Variants in HS3ST3A1 observed in about 807,000 individuals in gnomAD.
HS3ST3A1 encodes the protein heparan sulfate-glucosamine 3-sulfotransferase 3A1, also known as heparan sulfate glucosamine 3-O-sulfotransferase 3A1.
HS3ST3A1 carries 19 observed loss-of-function variants against 25.7 expected under a neutral mutation model. The observed-to-expected ratio is 0.74, with a 90% CI of 0.52 to 1.08. The LOEUF is 1.08. HS3ST3A1 is among the 50% of genes least tolerant of loss of function. The pLI, the probability that HS3ST3A1 is intolerant of heterozygous loss-of-function variation, is 0.00. For synonymous variants in HS3ST3A1, 226 were observed against 278.6 expected (o/e 0.81, Z 1.88); for missense variants, 459 against 594.3 (o/e 0.77, Z 2.37).
chr17:13,536,181 A>G (rs1906765095), intron 1 of HS3ST3A1, among the ~76,000 whole-genome samples: 1 of 152,188 alleles, frequency 6.6e-6, no homozygotes, highest in African/African-American at 2.4e-5. Context: ...CCAAGCTTGA[A>G]AGAAGGCATT....
intron 1 of HS3ST3A1, among the ~76,000 whole-genome samples, chr17:13,571,157 A>C (rs1907798255): frequency 6.6e-6 from 1 of 152,186 alleles, no homozygotes; most frequent in Non-Finnish European, 1.5e-5. Context: ...TGTGATTATG[A>C]ATCTAATCAG....
intron 1 of HS3ST3A1, among the ~76,000 whole-genome samples, chr17:13,571,267 G>C (rs796401643): frequency 2.6e-5 from 4 of 152,136 alleles, no homozygotes; most frequent in Admixed American, 2.0e-4. Flanking sequence ...TCTGTGTGAC[G>C]GCAATACTAG....
chr17:13,596,300 G>A (rs960252883), intron 1 of HS3ST3A1, among the ~76,000 whole-genome samples: 8 of 151,556 alleles, frequency 5.3e-5, no homozygotes, highest in Admixed American at 1.3e-4. Context: ...CCCTACTCAG[G>A]ATGTCCAATA....
At chr17:13,551,438 C>T (rs1046338216) in intron 1 of HS3ST3A1, among the ~76,000 whole-genome samples, 2 of 151,306 alleles carry the variant, frequency 1.3e-5, no homozygotes, top group African/African-American at 4.9e-5. Flanking sequence ...GCAGCCATAC[C>T]CAGCTGACAG....
intron 1 of HS3ST3A1, among the ~76,000 whole-genome samples, chr17:13,596,494 G>C (rs1170902366): frequency 1.3e-5 from 2 of 151,278 alleles, no homozygotes; most frequent in African/African-American, 4.9e-5. Flanking sequence ...GTCTATTGGG[G>C]ATGAGCCCAG....
At chr17:13,536,402 TAA>T (rs1567617266) in intron 1 of HS3ST3A1, among the ~76,000 whole-genome samples, 1 of 152,198 alleles carries the variant, frequency 6.6e-6, no homozygotes, top group Non-Finnish European at 1.5e-5. Flanking sequence ...TTTGTTAATA[TAA>T]GTTTTCTTTT....
At chr17:13,571,815 G>A (rs1017772839) in intron 1 of HS3ST3A1, among the ~76,000 whole-genome samples, 7 of 152,234 alleles carry the variant, frequency 4.6e-5, no homozygotes, top group Admixed American at 2.0e-4. Context: ...GCTGGAGTGC[G>A]GTGGCATGAT....
At chr17:13,578,020 A>G (rs576151666) in intron 1 of HS3ST3A1, among the ~76,000 whole-genome samples, 29 of 152,318 alleles carry the variant, frequency 1.9e-4, no homozygotes, top group African/African-American at 6.5e-4. Context: ...GATTTAAAAA[A>G]TGCATATATC....
chr17:13,502,384 C>T (rs1905508046), intron 1 of HS3ST3A1, among the ~76,000 whole-genome samples: 1 of 152,192 alleles, frequency 6.6e-6, no homozygotes, highest in Non-Finnish European at 1.5e-5. Context: ...CACTCTAGCA[C>T]TGGCTGCACC....
chr17:13,594,091 C>T (rs923305367), intron 1 of HS3ST3A1, among the ~76,000 whole-genome samples: 1 of 152,056 alleles, frequency 6.6e-6, no homozygotes, highest in Admixed American at 6.5e-5. Context: ...AATCAGTGTT[C>T]GTCTAATGTT....
chr17:13,515,561 G>A (rs1032063488), intron 1 of HS3ST3A1, among the ~76,000 whole-genome samples: 7 of 145,424 alleles, frequency 4.8e-5, no homozygotes, highest in Admixed American at 1.4e-4. Context: ...GGAGGACATC[G>A]TGGTCAGTAA....
chr17:13,600,832 G>A lies in HS3ST3A1; in HGVS notation c.298C>T (p.Arg100Trp). The change falls in exon 1 of 2, where the codon CGG becomes TGG. Residue 100 changes from arginine to tryptophan, a missense_variant. By Grantham distance (101) the Arg-to-Trp change is moderately radical. Coordinates refer to ENST00000284110, the MANE Select transcript of HS3ST3A1 (RefSeq NM_006042.3). ...CCGTCGTCGCGGGGCGCGGGCGGCC[G>A]GCGCCTCCGCCACTGCGGCAGTTGC... Reference protein sequence around the residue: ...LLQLPQWRRRRPPAPRDDGEE... With the variant: ...LLQLPQWRRRWPPAPRDDGEE... The A allele has an allele frequency of 4.2e-6, 6 of 1,415,670 alleles. No homozygotes were observed. Among genetic ancestry groups the A allele is most frequent in the African/African-American group, 1.5e-5 (1 of 65,890 alleles). The allele number at this position is 1,415,670 out of a possible 1,614,324, so 87.7% of individuals were successfully genotyped here.
intron 1 of HS3ST3A1, among the ~76,000 whole-genome samples, chr17:13,499,327 G>C (rs925814776): frequency 3.3e-5 from 5 of 152,216 alleles, no homozygotes; most frequent in Admixed American, 3.3e-4. Context: ...GGTGAGCCAG[G>C]AGATCTATCC....
In HS3ST3A1 at chr17:13,600,955, C is replaced by T. The variant is rs748966166; in HGVS notation, c.175G>A (p.Gly59Ser). 7.8e-6 allele frequency: 12 copies of T among 1,540,716 alleles called. No individual in the cohort carries two copies. Among genetic ancestry groups the T allele is most frequent in the Non-Finnish European group, 1.0e-5 (12 of 1,143,654 alleles). ...CCAGGGGCCCCCGCCTCCTCGCCGC[C>T]GCCGGACAGCCCCACGACGGGGCCG... ...LSGPVVGLSG[G>S]GEEAGAPGGG... The change falls in exon 1 of 2, where the codon GGC (glycine) becomes AGC (serine). Residue 59 changes from glycine (G) to serine (S), a missense_variant. Coordinates refer to ENST00000284110, the MANE Select transcript of HS3ST3A1 (RefSeq NM_006042.3).
At chr17:13,579,303 A>G (rs1908036658) in intron 1 of HS3ST3A1, among the ~76,000 whole-genome samples, 1 of 152,204 alleles carries the variant, frequency 6.6e-6, no homozygotes, top group Admixed American at 6.5e-5. Flanking sequence ...ACTCAATATT[A>G]GAAATAACAT....
At chr17:13,549,814 T>C (rs759524907) in intron 1 of HS3ST3A1, among the ~76,000 whole-genome samples, 2 of 152,204 alleles carry the variant, frequency 1.3e-5, no homozygotes, top group Non-Finnish European at 2.9e-5. Context: ...GAAACTAGTT[T>C]ATTTTAGTTC....
chr17:13,494,930 A>G lies in HS3ST3A1; in HGVS notation c.*1267T>C, dbSNP rs1310139091. ...TAGGTTATAAATGGTATAAATAGGAAGTGGGAGGGGGGAATAAAGTGACAA... is the reference window on the plus strand; with the variant it reads ...TAGGTTATAAATGGTATAAATAGGAGGTGGGAGGGGGGAATAAAGTGACAA... On this transcript the variant is annotated 3_prime_UTR_variant, in exon 2 of 2. Transcript: ENST00000284110. 1.3e-5 allele frequency among the ~76,000 whole-genome samples: 2 copies of G among 152,186 alleles called. No individual in the cohort carries two copies. Among genetic ancestry groups the G allele is most frequent in the East Asian group, 3.8e-4 (2 of 5,198 alleles).
intron 1 of HS3ST3A1, among the ~76,000 whole-genome samples, chr17:13,517,135 C>T (rs373259739): frequency 6.8e-4 from 103 of 152,312 alleles, no homozygotes; most frequent in African/African-American, 2.4e-3. Context: ...AAAAGATCAT[C>T]CCTTTTCAAT....
intron 1 of HS3ST3A1, among the ~76,000 whole-genome samples, chr17:13,595,006 T>TGCAAA (rs1908538068): frequency 6.6e-6 from 1 of 152,016 alleles, no homozygotes; most frequent in South Asian, 2.1e-4. Flanking sequence ...GGTGAATAGT[T>TGCAAA]TGTGTTGAAA....
Sources: allele counts gnomAD v4.1 joint callset (sites outside exome capture counted in the v4.1 genomes callset), GRCh38; gene constraint gnomAD v4.1.1; transcripts MANE v1.5; gene names NCBI Gene and HGNC (gene_info 2026-07-23, HGNC 2026-07-21).